The following FOXK1 variants were observed in gnomAD, a reference collection of about 807,000 sequenced individuals.
FOXK1 encodes forkhead box K1.
FOXK1 carries 19 observed loss-of-function variants against 51.9 expected under a neutral mutation model. That is an observed-to-expected ratio of 0.37 (90% CI 0.26 to 0.54). The LOEUF is 0.54. Ranked by LOEUF, FOXK1 falls within the 20% of genes least tolerant of loss-of-function variation. FOXK1 has a pLI of 0.87. For missense variants in FOXK1, 870 were observed against 1,032.7 expected, an observed-to-expected ratio of 0.84 and a Z score of 2.16; for synonymous variants, 537 against 482.6, an observed-to-expected ratio of 1.11 and a Z score of -1.48.
intron 1 of FOXK1, among the ~76,000 whole-genome samples, chr7:4,710,892 A>G (rs1368055290): frequency 2.0e-5 from 3 of 151,190 alleles, no homozygotes; most frequent in African/African-American, 7.3e-5. Flanking sequence ...GCTTGTTGTG[A>G]CTCTTGTTCC....
At position 4,752,716 on chromosome 7, in the gene FOXK1, G is replaced by A. The variant is rs115188199; in HGVS notation, c.747-1743G>A. On this transcript the variant is annotated intron_variant, in intron 2 of 8. Transcript: ENST00000328914. ...GTCCCCAGCAAGGACTGACATTTCA[G>A]TTCTTCCTGCTGAGTCCAAGGGGGA... is the stretch of plus-strand genomic sequence containing the variant. Among the ~76,000 whole-genome samples the A allele has an allele frequency of 1.3e-3, 203 of 152,362 alleles. 1 individual carries two copies. Among genetic ancestry groups the A allele is most frequent in the African/African-American group, 4.3e-3 (180 of 41,586 alleles).
chr7:4,710,629 G>A (rs1780162459), intron 1 of FOXK1, among the ~76,000 whole-genome samples: 1 of 152,160 alleles, frequency 6.6e-6, no homozygotes, highest in Admixed American at 6.6e-5. Context: ...GTATTTTGGA[G>A]AAATGGGTGC....
intron 1 of FOXK1, among the ~76,000 whole-genome samples, chr7:4,724,331 G>C (rs1780352274): frequency 6.6e-6 from 1 of 152,174 alleles, no homozygotes; most frequent in Non-Finnish European, 1.5e-5. Context: ...GGGTAGCTGG[G>C]ATTACAGGCA....
intron 2 of FOXK1, among the ~76,000 whole-genome samples, chr7:4,742,947 A>G (rs547401090): frequency 6.0e-4 from 92 of 152,328 alleles, no homozygotes; most frequent in Middle Eastern, 3.4e-3. Flanking sequence ...GTTCAGGGAC[A>G]GTGCTGCTGC....
rs534242045 is a variant in FOXK1, at chr7:4,722,741, G to A, written c.561-18097G>A. Among the ~76,000 whole-genome samples, 1 of 152,328 alleles carries A rather than the reference G, an allele frequency of 6.6e-6. No individual in the cohort carries two copies. Among genetic ancestry groups the A allele is most frequent in the Admixed American group, 6.5e-5 (1 of 15,298 alleles). Reference sequence around the variant, plus strand: ...GGTGCACATCTGGGGAGAGTCAACCGCCCAGCATGGCTTTTGGCTTTGGGG... The same window carrying A: ...GGTGCACATCTGGGGAGAGTCAACCACCCAGCATGGCTTTTGGCTTTGGGG... On this transcript the variant is annotated intron_variant, in intron 1 of 8. Coordinates refer to ENST00000328914, the MANE Select transcript of FOXK1 (RefSeq NM_001037165.2). This position sits in a 1 kb window ranked among gnomAD's most constrained non-coding sequence, Gnocchi z 5.1.
chr7:4,758,974 G>T lies in FOXK1; in HGVS notation c.1245-77G>T. 6 of 1,467,692 alleles carry T rather than the reference G, an allele frequency of 4.1e-6. No homozygotes were observed. Among genetic ancestry groups the T allele is most frequent in the Non-Finnish European group, 5.5e-6 (6 of 1,099,258 alleles). The allele number at this position is 1,467,692 out of a possible 1,614,324, so 90.9% of individuals were successfully genotyped here. ...GAGCGTGGGCGGGTGACGGCGCTGAGATGCGTGATGTCTCGGAAACGTCCT... is the reference window on the plus strand; with the variant it reads ...GAGCGTGGGCGGGTGACGGCGCTGATATGCGTGATGTCTCGGAAACGTCCT... On this transcript the variant is annotated intron_variant, in intron 5 of 8. Coordinates refer to ENST00000328914, the MANE Select transcript of FOXK1 (RefSeq NM_001037165.2). This position sits in a 1 kb window ranked among gnomAD's most constrained non-coding sequence, Gnocchi z 4.4.
intron 2 of FOXK1, among the ~76,000 whole-genome samples, chr7:4,752,428 A>G (rs1343488263): frequency 6.6e-6 from 1 of 152,250 alleles, no homozygotes; most frequent in African/African-American, 2.4e-5. Context: ...TACAGGCATG[A>G]GCCACCGCAC....
intron 1 of FOXK1, among the ~76,000 whole-genome samples, chr7:4,705,552 T>TCTCTCTCTCTCTCGCTCTCGCTCTCG (rs1780076728): frequency 2.1e-5 from 3 of 143,578 alleles, no homozygotes; most frequent in Non-Finnish European, 3.0e-5. Context: ...TCTCTCTCTC[T>TCTCTCTCTCTCTCGCTCTCGCTCTCG]CTCTCTCGCT....
Position 4,743,456 on chromosome 7 carries a change from A to G in FOXK1, c.746+2433A>G, listed in dbSNP as rs1315302855. 2.0e-5 allele frequency among the ~76,000 whole-genome samples: 3 copies of G among 152,210 alleles called. No homozygotes were observed. Among genetic ancestry groups the G allele is most frequent in the Non-Finnish European group, 2.9e-5 (2 of 68,036 alleles). On this transcript the variant is annotated intron_variant, in intron 2 of 8. Transcript: ENST00000328914. This position sits in a 1 kb window ranked among gnomAD's most constrained non-coding sequence, Gnocchi z 5.3. ...TCCCAGCTACTCGGGAGGCTGAGGC[A>G]GGAGACTGGCTTGAACCCAGGAGGT...
chr7:4,717,026 TGTGGCTGGGAGGCACGTGGCTGGGAG>T (rs1292331245), intron 1 of FOXK1, among the ~76,000 whole-genome samples: 2 of 126,888 alleles, frequency 1.6e-5, no homozygotes, highest in Non-Finnish European at 3.3e-5. Context: ...GTGGGAGGCG[TGTGGCTGGGAGGCACGTGGCTGGGAG>T]GTGGCTGGGA....
In FOXK1 at chr7:4,735,525, C is replaced by T. The variant is rs766561599; in HGVS notation, c.561-5313C>T. 6.6e-6 allele frequency among the ~76,000 whole-genome samples: 1 copy of T among 152,148 alleles called. No homozygotes were observed. The highest frequency in any genetic ancestry group is 1.5e-5 in the Non-Finnish European group (1 of 68,030). On this transcript the variant is annotated intron_variant, in intron 1 of 8. Transcript: ENST00000328914. This position sits in a 1 kb window ranked among gnomAD's most constrained non-coding sequence, Gnocchi z 4.7. ...TCTCCGTCCCCCCTGCCTGTCCCACCCGTCACTCCAGCCCTAGGCAACCAC... is the reference window on the plus strand; with the variant it reads ...TCTCCGTCCCCCCTGCCTGTCCCACTCGTCACTCCAGCCCTAGGCAACCAC...
chr7:4,735,158 C>G lies in FOXK1; in HGVS notation c.561-5680C>G, dbSNP rs949930094. Among the ~76,000 whole-genome samples the G allele has an allele frequency of 6.6e-6, 1 of 152,110 alleles. No homozygotes were observed. Among genetic ancestry groups the G allele is most frequent in the African/African-American group, 2.4e-5 (1 of 41,416 alleles). On this transcript the variant is annotated intron_variant, in intron 1 of 8. Transcript: ENST00000328914. This position sits in a 1 kb window ranked among gnomAD's most constrained non-coding sequence, Gnocchi z 4.7. ...GGCTCAGCACTGGTGGAGCGGTGGC[C>G]AGTTCCAGCTCGCTGTGTAGAGACG...
At position 4,735,874 on chromosome 7, in the gene FOXK1, C is replaced by T. The variant is rs1408708059; in HGVS notation, c.561-4964C>T. On this transcript the variant is annotated intron_variant, in intron 1 of 8. Transcript: ENST00000328914. The surrounding 1 kb of genome is among the most constrained non-coding windows in gnomAD (Gnocchi z 4.7). ...GGGAAACATCTATTTAAAAATCAAG[C>T]CAGGTGCAGCGGCTCACACCTGTAA... Among the ~76,000 whole-genome samples, 4 of 152,196 alleles carry T rather than the reference C, an allele frequency of 2.6e-5. No homozygotes were observed. The highest frequency in any genetic ancestry group is 5.9e-5 in the Non-Finnish European group (4 of 68,048).
intron 1 of FOXK1, among the ~76,000 whole-genome samples, chr7:4,720,730 G>A (rs549690630): frequency 1.3e-5 from 2 of 150,334 alleles, no homozygotes; most frequent in South Asian, 4.2e-4. Context: ...TTGAGACAGA[G>A]TCTCTGTTGC....
At chr7:4,708,387 G>A (rs1028146263) in intron 1 of FOXK1, among the ~76,000 whole-genome samples, 3 of 152,130 alleles carry the variant, frequency 2.0e-5, no homozygotes, top group Non-Finnish European at 2.9e-5. Flanking sequence ...GCTGCTGGTC[G>A]GGGGAAGCTC....
At chr7:4,759,676 G>C in intron 7 of FOXK1, 81 bp downstream of exon 7, 4 of 1,433,508 alleles carry the variant, frequency 2.8e-6, no homozygotes, top group Non-Finnish European at 3.7e-6. Context: ...AGCGCCATTG[G>C]CCTGGGCCTG....
intron 1 of FOXK1, among the ~76,000 whole-genome samples, chr7:4,720,197 A>C (rs184030922): frequency 2.0e-5 from 3 of 152,156 alleles, no homozygotes; most frequent in Non-Finnish European, 4.4e-5. Context: ...TTCATCCTGC[A>C]TGGGGCTCAC....
rs771860002 is a variant in FOXK1 at position 4,682,892 on chromosome 7, C to T, written c.560+24C>T. On this transcript the variant is annotated intron_variant, in intron 1 of 8. Coordinates refer to ENST00000328914, the MANE Select transcript of FOXK1 (RefSeq NM_001037165.2). This position sits in a 1 kb window ranked among gnomAD's most constrained non-coding sequence, Gnocchi z 7.6. ...CAGTGAGTGGCCCCGCGACCCCCGCCGCCCGCACCCGGGGCTCGCCCACGA... is the reference window on the plus strand; with the variant it reads ...CAGTGAGTGGCCCCGCGACCCCCGCTGCCCGCACCCGGGGCTCGCCCACGA... 7.0e-7 allele frequency: 1 copy of T among 1,435,128 alleles called. No individual in the cohort carries two copies. Among genetic ancestry groups the T allele is most frequent in the Non-Finnish European group, 9.2e-7 (1 of 1,091,844 alleles). 88.9% of individuals were successfully genotyped at this position (1,435,128 alleles called of 1,614,324 possible). A position where few individuals can be genotyped will look rare whatever the true frequency, so the allele number is the denominator to read the frequency against.
Position 4,762,548 on chromosome 7 carries a change from G to A in FOXK1, c.*84G>A, listed in dbSNP as rs1218287208. 2.1e-6 allele frequency: 3 copies of A among 1,399,804 alleles called. No homozygotes were observed. The highest frequency in any genetic ancestry group is 2.9e-6 in the Non-Finnish European group (3 of 1,046,476). 86.7% of individuals were successfully genotyped at this position (1,399,804 alleles called of 1,614,324 possible). A position where few individuals can be genotyped will look rare whatever the true frequency, so the allele number is the denominator to read the frequency against. On this transcript the variant is annotated 3_prime_UTR_variant, in exon 9 of 9. Coordinates refer to ENST00000328914, the MANE Select transcript of FOXK1 (RefSeq NM_001037165.2). This position sits in a 1 kb window ranked among gnomAD's most constrained non-coding sequence, Gnocchi z 5.7. ...GGCAGCTCAGGCGGCCGCACCCACA[G>A]ACGGAGGAGAACAGCCCGCGGCGGC...
Sources: allele counts gnomAD v4.1 joint callset (sites outside exome capture counted in the v4.1 genomes callset), GRCh38; gene constraint gnomAD v4.1.1; non-coding constraint Gnocchi (gnomAD v3.1); transcripts MANE v1.5; gene names NCBI Gene and HGNC (gene_info 2026-07-23, HGNC 2026-07-21).